Variants in WASF3 observed in about 807,000 individuals in gnomAD.
WASF3 encodes the protein actin-binding protein WASF3.
WASF3 carries 11 observed loss-of-function variants against 46.6 expected under a neutral mutation model. That is an observed-to-expected ratio of 0.24 (90% CI 0.15 to 0.39). The LOEUF (loss-of-function observed/expected upper bound fraction) is 0.39, where lower values mean the gene tolerates loss of function less well. Among genes scored for constraint, WASF3 ranks in the 10% least tolerant of loss-of-function variants. The pLI, the probability that WASF3 is intolerant of heterozygous loss-of-function variation, is 1.00. For synonymous variants in WASF3, 242 were observed against 259.7 expected (o/e 0.93, Z 0.65); for missense variants, 576 against 669.8 (o/e 0.86, Z 1.55).
chr13:26,588,260 G>T (rs533433276), intron 1 of WASF3, among the ~76,000 whole-genome samples: 1 of 152,202 alleles, frequency 6.6e-6, no homozygotes, highest in African/African-American at 2.4e-5. Context: ...TTCAGAGTGG[G>T]AGTTGGTTTA....
chr13:26,621,746 G>T (rs142607374), intron 2 of WASF3, among the ~76,000 whole-genome samples: 11 of 152,268 alleles, frequency 7.2e-5, no homozygotes, highest in Admixed American at 2.0e-4. Context: ...AAAAGAAGCA[G>T]TGTGGCTCTA....
At position 26,600,100 on chromosome 13, in the gene WASF3, G is replaced by A. The variant is rs183393317; in HGVS notation, c.-108-12861G>A. 2.6e-5 allele frequency among the ~76,000 whole-genome samples: 4 copies of A among 152,278 alleles called. No individual in the cohort carries two copies. In the East Asian group the frequency reaches 7.7e-4, roughly 29 times the overall value. The stretch of plus-strand genomic sequence containing the variant: ...AAAGTAAACTTCCCAGGGCTTGAGT[G>A]GTTTGACTAGGATTACTGTAGGAAA... On this transcript the variant is annotated intron_variant, in intron 1 of 9. Transcript: ENST00000335327.
chr13:26,649,082 A>G (rs1356655323), intron 3 of WASF3, among the ~76,000 whole-genome samples: 1 of 152,178 alleles, frequency 6.6e-6, no homozygotes, highest in Admixed American at 6.5e-5. Flanking sequence ...CACTAAATTT[A>G]TCTGGTTTTA....
At position 26,667,541 on chromosome 13, in the gene WASF3, A is replaced by C; in HGVS notation, c.293A>C (p.Lys98Thr). The C allele has an allele frequency of 6.2e-7, 1 of 1,614,120 alleles. No individual in the cohort carries two copies. Among genetic ancestry groups the C allele is most frequent in the Non-Finnish European group, 8.5e-7 (1 of 1,180,006 alleles). Reference protein sequence around the residue: ...EEVSLQDINMKKAFKSSTVQD... With the variant: ...EEVSLQDINMTKAFKSSTVQD... ...GTCTCACTACAGGATATCAACATGA[A>C]AAAAGCTTTCAAAAGTTCCACAGTC... The change falls in exon 5 of 10, where the codon AAA (lysine) becomes ACA (threonine). Residue 98 changes from lysine to threonine, a missense_variant. Physicochemically the swap from Lys to Thr is moderately conservative, Grantham distance 78 (BLOSUM62 -1). This residue lies in a region of WASF3 where 213 missense variants were observed against 278.0 expected (regional missense o/e 0.77). Transcript: ENST00000335327.
chr13:26,615,967 A>T (rs1357319975), intron 2 of WASF3, among the ~76,000 whole-genome samples: 1 of 152,126 alleles, frequency 6.6e-6, no homozygotes, highest in African/African-American at 2.4e-5. Flanking sequence ...GTTATCATTG[A>T]ATAGTACCTC....
Position 26,617,599 on chromosome 13 carries a change from G to A in WASF3, c.-11+4541G>A, listed in dbSNP as rs192655183. ...AAACTGGCTGTGTGGTGTCTGTCAA[G>A]TTTACTTAAATATTAGTGCCTGTTT... On this transcript the variant is annotated intron_variant, in intron 2 of 9. Coordinates refer to ENST00000335327, the MANE Select transcript of WASF3 (RefSeq NM_006646.6). Among the ~76,000 whole-genome samples, 185 of 152,206 alleles carry A rather than the reference G, an allele frequency of 1.2e-3. 4 individuals are homozygous for A. The highest frequency in any genetic ancestry group is 9.2e-3 in the Admixed American group (141 of 15,298).
At chr13:26,594,068 C>G (rs1880386119) in intron 1 of WASF3, among the ~76,000 whole-genome samples, 1 of 152,152 alleles carries the variant, frequency 6.6e-6, no homozygotes, top group South Asian at 2.1e-4. Flanking sequence ...ATTTAAGGCT[C>G]TTAACATATA....
chr13:26,577,829 A>T lies in WASF3; in HGVS notation c.-109+20010A>T, dbSNP rs564120472. Among the ~76,000 whole-genome samples, 8 of 152,348 alleles carry T rather than the reference A, an allele frequency of 5.3e-5. No individual in the cohort carries two copies. In the South Asian group the frequency reaches 1.7e-3, roughly 32 times the overall value. On this transcript the variant is annotated intron_variant, in intron 1 of 9. Transcript: ENST00000335327. ...TCAGTTGTGTGTTCTGTGCAATTTA[A>T]TCATGTGTATAGGTTCATGTAATCA...
chr13:26,556,776 T>C (rs2137129104), upstream of WASF3, among the ~76,000 whole-genome samples: 1 of 152,380 alleles, frequency 6.6e-6, no homozygotes, highest in African/African-American at 2.4e-5. Context: ...TGAATTAGTG[T>C]TTCTTGAACT....
At chr13:26,598,188 G>A (rs533936331) in intron 1 of WASF3, among the ~76,000 whole-genome samples, 2 of 152,170 alleles carry the variant, frequency 1.3e-5, no homozygotes, top group African/African-American at 4.8e-5. Context: ...TCTCATTGTG[G>A]TTTTGATTTG....
At chr13:26,643,905 G>A (rs775181187) in intron 3 of WASF3, among the ~76,000 whole-genome samples, 1 of 152,124 alleles carries the variant, frequency 6.6e-6, no homozygotes, top group African/African-American at 2.4e-5. Context: ...TAGCCCCTCC[G>A]GATATGTCCA....
Position 26,682,474 on chromosome 13 carries a change from C to A in WASF3, c.984-133C>A. On this transcript the variant is annotated intron_variant, in intron 8 of 9. Coordinates refer to ENST00000335327, the MANE Select transcript of WASF3 (RefSeq NM_006646.6). This position sits in a 1 kb window ranked among gnomAD's most constrained non-coding sequence, Gnocchi z 4.4. ...AACTGACCCAAGGTGTGCATGTTTG[C>A]ATCCTGCCATGATTGAAGTTCAGGT... 1 of 1,041,070 alleles carries A rather than the reference C, an allele frequency of 9.6e-7. No individual in the cohort carries two copies. Among genetic ancestry groups the A allele is most frequent in the Non-Finnish European group, 1.4e-6 (1 of 695,830 alleles). The allele number at this position is 1,041,070 out of a possible 1,614,324, so 64.5% of individuals were successfully genotyped here. A position where few individuals can be genotyped will look rare whatever the true frequency, so the allele number is the denominator to read the frequency against.
At chr13:26,571,942 CTGAG>C (rs1358078361) in intron 1 of WASF3, among the ~76,000 whole-genome samples, 6 of 152,058 alleles carry the variant, frequency 3.9e-5, no homozygotes, top group Non-Finnish European at 5.9e-5. Flanking sequence ...TTGTTTATTC[CTGAG>C]TATTTTGTTG....
intron 1 of WASF3, among the ~76,000 whole-genome samples, chr13:26,589,078 G>A (rs1247800604): frequency 6.6e-5 from 10 of 152,190 alleles, no homozygotes; most frequent in African/African-American, 2.4e-4. Flanking sequence ...ATAGGCACGA[G>A]CTACTGTGCC....
chr13:26,607,523 CTTA>C (rs1248378943), intron 1 of WASF3, among the ~76,000 whole-genome samples: 3 of 152,128 alleles, frequency 2.0e-5, no homozygotes, highest in Non-Finnish European at 4.4e-5. Flanking sequence ...GGAAACTTTT[CTTA>C]TTATCCCAGC....
intron 1 of WASF3, chr13:26,577,172 T>C: frequency 1.3e-6 from 1 of 755,966 alleles, no homozygotes; most frequent in South Asian, 1.4e-5. Flanking sequence ...GGCAAAAACT[T>C]CCTAACTTCC....
chr13:26,563,452 C>T (rs927444806), intron 1 of WASF3, among the ~76,000 whole-genome samples: 2 of 151,828 alleles, frequency 1.3e-5, no homozygotes, highest in African/African-American at 2.4e-5. Flanking sequence ...GTCAGGAGTT[C>T]GAGAACAGCA....
At chr13:26,606,251 A>G (rs537330838) in intron 1 of WASF3, among the ~76,000 whole-genome samples, 33 of 151,918 alleles carry the variant, frequency 2.2e-4, no homozygotes, top group Non-Finnish European at 4.0e-4. Context: ...ATACACACAC[A>G]CTTTATTTCA....
intron 1 of WASF3, among the ~76,000 whole-genome samples, chr13:26,594,961 C>G (rs1286140719): frequency 1.3e-5 from 2 of 152,186 alleles, no homozygotes; most frequent in Non-Finnish European, 2.9e-5. Context: ...CTACCATTTC[C>G]CAACAACAAC....
Sources: gnomAD v4.1 joint callset for allele counts (sites outside exome capture counted in the v4.1 genomes callset) on GRCh38, gnomAD v4.1.1 for gene constraint, gnomAD v4.1.1 regional missense constraint, Gnocchi (gnomAD v3.1) non-coding constraint, MANE v1.5 for transcripts, NCBI Gene and HGNC (gene_info 2026-07-23, HGNC 2026-07-21) for gene names.